The following CD300LB variants were observed in gnomAD, a reference collection of about 807,000 sequenced individuals.
The protein encoded by CD300LB is CD300 molecule like family member b, also known as CMRF35-like molecule 7.
CD300LB carries 18 observed loss-of-function variants against 20.8 expected under a neutral mutation model. The observed-to-expected ratio is 0.87, with a 90% confidence interval of 0.60 to 1.28. The LOEUF (loss-of-function observed/expected upper bound fraction) is 1.28, where lower values mean the gene tolerates loss of function less well. CD300LB is among the 50% of genes most tolerant of loss of function. CD300LB has a pLI of 0.00. For synonymous variants in CD300LB, 91 were observed against 91.3 expected, an observed-to-expected ratio of 1.00 and a Z score of 0.02; for missense variants, 222 against 251.8, an observed-to-expected ratio of 0.88 and a Z score of 0.80.
chr17:74,521,908 G>A lies in CD300LB; in HGVS notation c.*830C>T, dbSNP rs558629972. 2.0e-5 allele frequency: 20 copies of A among 985,460 alleles called. No individual in the cohort carries two copies. Among genetic ancestry groups the A allele is most frequent in the Middle Eastern group, 5.2e-4 (1 of 1,914 alleles). The allele number at this position is 985,460 out of a possible 1,614,324, so 61.0% of individuals were successfully genotyped here. A position where few individuals can be genotyped will look rare whatever the true frequency, so the allele number is the denominator to read the frequency against. ...CATGATTTCAACATCACCGAAAAGGGAGGGTGCCATTTCCTGCGATGGTTT... is the reference window on the plus strand; with the variant it reads ...CATGATTTCAACATCACCGAAAAGGAAGGGTGCCATTTCCTGCGATGGTTT... On this transcript the variant is annotated 3_prime_UTR_variant, in exon 4 of 4. Transcript: ENST00000392621.
At chr17:74,523,406 G>T in intron 3 of CD300LB, 173 bp downstream of exon 3, 1 of 623,868 alleles carries the variant, frequency 1.6e-6, no homozygotes, top group Non-Finnish European at 2.9e-6. Context: ...AGCTAGAGTG[G>T]GGAGATGGTG....
chr17:74,523,631 C>G lies in CD300LB; in HGVS notation c.391G>C (p.Ala131Pro). 1 of 1,613,444 alleles carries G rather than the reference C, an allele frequency of 6.2e-7. No homozygotes were observed. Among genetic ancestry groups the G allele is most frequent in the Non-Finnish European group, 8.5e-7 (1 of 1,179,362 alleles). ...ATATTGCTGTTGGTAGGTGAGCTTG[C>G]TGTTGTGGAAGCCGCTCCCTCTAGA... is the stretch of plus-strand genomic sequence containing the variant. ...VDPEGAASTT[A>P]SSPTNSNMAV... Residue 131 changes from alanine (A) to proline (P), a missense_variant, in exon 3 of 4, where the codon GCA (alanine) becomes CCA (proline). By Grantham distance (27) the Ala-to-Pro change is conservative (BLOSUM62 -1). Transcript: ENST00000392621.
At chr17:74,525,159 G>A (rs1907992407) in intron 2 of CD300LB, among the ~76,000 whole-genome samples, 1 of 152,114 alleles carries the variant, frequency 6.6e-6, no homozygotes, top group Non-Finnish European at 1.5e-5. Flanking sequence ...AGAGTCCAAG[G>A]CATGGAGGAG....
At position 74,522,494 on chromosome 17, in the gene CD300LB, T is replaced by C; in HGVS notation, c.*244A>G. ...TCGTCCAGTGCTTGAGCTCCATCTC[T>C]ACAGCTCCTGACCAAGAGAACAGGT... On this transcript the variant is annotated 3_prime_UTR_variant, in exon 4 of 4. Transcript: ENST00000392621. The C allele has an allele frequency of 7.8e-7, 1 of 1,279,360 alleles. No individual in the cohort carries two copies. The highest frequency in any genetic ancestry group is 1.0e-6 in the Non-Finnish European group (1 of 1,004,598). The allele number at this position is 1,279,360 out of a possible 1,614,324, so 79.3% of individuals were successfully genotyped here.
Position 74,522,507 on chromosome 17 carries a change from C to T in CD300LB, c.*231G>A. The T allele has an allele frequency of 7.6e-7, 1 of 1,308,244 alleles. No homozygotes were observed. 81.0% of individuals were successfully genotyped at this position (1,308,244 alleles called of 1,614,324 possible). Reference sequence around the variant, plus strand: ...GAGCTCCATCTCTACAGCTCCTGACCAAGAGAACAGGTGCTGGCACCCCAG... The same window carrying T: ...GAGCTCCATCTCTACAGCTCCTGACTAAGAGAACAGGTGCTGGCACCCCAG... On this transcript the variant is annotated 3_prime_UTR_variant, in exon 4 of 4. Transcript: ENST00000392621.
intron 2 of CD300LB, among the ~76,000 whole-genome samples, chr17:74,524,951 C>G (rs1353261080): frequency 3.9e-5 from 6 of 152,182 alleles, no homozygotes; most frequent in South Asian, 2.1e-4. Flanking sequence ...TGTCCATGTG[C>G]CTCTTTGGTC....
chr17:74,522,289 C>A lies in CD300LB; in HGVS notation c.*449G>T. The A allele has an allele frequency of 6.1e-6, 6 of 987,584 alleles. No homozygotes were observed. The highest frequency in any genetic ancestry group is 7.2e-6 in the Non-Finnish European group (6 of 831,304). 61.2% of individuals were successfully genotyped at this position (987,584 alleles called of 1,614,324 possible). On this transcript the variant is annotated 3_prime_UTR_variant, in exon 4 of 4. Transcript: ENST00000392621. ...TCCTATGAACATAAGTCATTAAAAC[C>A]CAACTTTGCTAGAAAAAAAAAAATT...
Position 74,522,887 on chromosome 17 carries a change from G to T in CD300LB, c.457C>A (p.Leu153Ile), listed in dbSNP as rs746943526. The T allele has an allele frequency of 6.2e-7, 1 of 1,613,732 alleles. No individual in the cohort carries two copies. The highest frequency in any genetic ancestry group is 8.5e-7 in the Non-Finnish European group (1 of 1,179,988). Residue 153 changes from leucine (L) to isoleucine (I), a missense_variant, in exon 4 of 4, where the codon CTC becomes ATC. By Grantham distance (5) the Leu-to-Ile change is conservative. Coordinates refer to ENST00000392621, the MANE Select transcript of CD300LB (RefSeq NM_174892.4). ...ATGGGCACCTTCACAAATACCAGGA[G>T]CATGTAGTGGTTCCTGGGGAAGGGG... The part of the protein sequence containing the change: ...IGSHKRNHYM[L>I]LVFVKVPILL...
intron 2 of CD300LB, among the ~76,000 whole-genome samples, chr17:74,525,396 T>TGC (rs1907998288): frequency 6.6e-6 from 1 of 151,982 alleles, no homozygotes. Context: ...GACTCAATAC[T>TGC]AGGACCCCCT....
At chr17:74,527,851 G>A (rs1455136761) in intron 1 of CD300LB, among the ~76,000 whole-genome samples, 2 of 152,146 alleles carry the variant, frequency 1.3e-5, no homozygotes, top group Admixed American at 6.5e-5. Context: ...GTTAGGAACC[G>A]GACCTTACAG....
chr17:74,523,433 G>A, intron 3 of CD300LB, 146 bp downstream of exon 3: 2 of 672,960 alleles, frequency 3.0e-6, no homozygotes. Flanking sequence ...AGTGATGGGG[G>A]CAGGAGAGAG....
At position 74,523,368 on chromosome 17, in the gene CD300LB, G is replaced by A. The variant is rs1354621539; in HGVS notation, c.443+211C>T. ...CTGGGAGAATGATGCTCACTGAGAAGAGTTCTGCAGAGCGGTTTTCTGGTG... is the reference window on the plus strand; with the variant it reads ...CTGGGAGAATGATGCTCACTGAGAAAAGTTCTGCAGAGCGGTTTTCTGGTG... On this transcript the variant is annotated intron_variant, in intron 3 of 3. Transcript: ENST00000392621. 11 of 586,684 alleles carry A rather than the reference G, an allele frequency of 1.9e-5. No individual in the cohort carries two copies. In the East Asian group the frequency reaches 3.1e-4, roughly 16 times the overall value. The allele number at this position is 586,684 out of a possible 1,614,324, so 36.3% of individuals were successfully genotyped here. A position where few individuals can be genotyped will look rare whatever the true frequency, so the allele number is the denominator to read the frequency against.
Position 74,521,267 on chromosome 17 carries a change from C to T in CD300LB, c.*1471G>A, listed in dbSNP as rs1442475805. The T allele has an allele frequency of 7.9e-6, 6 of 760,596 alleles. No homozygotes were observed. The highest frequency in any genetic ancestry group is 9.6e-6 in the Non-Finnish European group (6 of 624,882). 47.1% of individuals were successfully genotyped at this position (760,596 alleles called of 1,614,324 possible). A position where few individuals can be genotyped will look rare whatever the true frequency, so the allele number is the denominator to read the frequency against. On this transcript the variant is annotated 3_prime_UTR_variant, in exon 4 of 4. Coordinates refer to ENST00000392621, the MANE Select transcript of CD300LB (RefSeq NM_174892.4). ...TGACAAGCGCCCATGTCCCCTCGCCCCTGAGTCCAGCTGGTGAAGCACCAT... is the reference window on the plus strand; with the variant it reads ...TGACAAGCGCCCATGTCCCCTCGCCTCTGAGTCCAGCTGGTGAAGCACCAT...
At chr17:74,523,496 G>T in intron 3 of CD300LB, 83 bp downstream of exon 3, 2 of 941,024 alleles carry the variant, frequency 2.1e-6, no homozygotes, top group Non-Finnish European at 3.5e-6. Context: ...GCTGGCATTT[G>T]GTGACAGGCA....
intron 1 of CD300LB, among the ~76,000 whole-genome samples, chr17:74,526,864 C>T (rs1437801245): frequency 6.6e-6 from 1 of 152,208 alleles, no homozygotes; most frequent in Non-Finnish European, 1.5e-5. Flanking sequence ...GTGAGCCAGC[C>T]CCAGCACACT....
At chr17:74,530,165 C>A (rs1321510943) in intron 1 of CD300LB, among the ~76,000 whole-genome samples, 1 of 152,222 alleles carries the variant, frequency 6.6e-6, no homozygotes, top group African/African-American at 2.4e-5. Flanking sequence ...CCCAGCCATG[C>A]TCTTTCCTGT....
Position 74,522,073 on chromosome 17 carries a change from G to C in CD300LB, c.*665C>G. On this transcript the variant is annotated 3_prime_UTR_variant, in exon 4 of 4. Coordinates refer to ENST00000392621, the MANE Select transcript of CD300LB (RefSeq NM_174892.4). The stretch of plus-strand genomic sequence containing the variant: ...GGGGAATAGGCAGGGAGCTTGGGGA[G>C]CTAGGAGGAGGAAGAGGTGGGAGGG... The C allele has an allele frequency of 1.0e-6, 1 of 985,394 alleles. No homozygotes were observed. Among genetic ancestry groups the C allele is most frequent in the Non-Finnish European group, 1.2e-6 (1 of 829,946 alleles). 61.0% of individuals were successfully genotyped at this position (985,394 alleles called of 1,614,324 possible). A position where few individuals can be genotyped will look rare whatever the true frequency, so the allele number is the denominator to read the frequency against.
At chr17:74,523,323 A>C in intron 3 of CD300LB, 2 of 563,370 alleles carry the variant, frequency 3.6e-6, no homozygotes, top group South Asian at 4.3e-5. Flanking sequence ...TAGGCCACCA[A>C]TGCAAGGTTG....
At position 74,522,657 on chromosome 17, in the gene CD300LB, G is replaced by A. The variant is rs1907917164; in HGVS notation, c.*81C>T. Reference sequence around the variant, plus strand: ...CCCTATCTCAGTCACTGCATCCCGAGGACTCGTAGATGTTCCTTCCACAGC... The same window carrying A: ...CCCTATCTCAGTCACTGCATCCCGAAGACTCGTAGATGTTCCTTCCACAGC... On this transcript the variant is annotated 3_prime_UTR_variant, in exon 4 of 4. Coordinates refer to ENST00000392621, the MANE Select transcript of CD300LB (RefSeq NM_174892.4). The A allele has an allele frequency of 1.3e-6, 2 of 1,577,224 alleles. No homozygotes were observed. The highest frequency in any genetic ancestry group is 2.2e-5 in the East Asian group (1 of 44,516).
Sources: allele counts gnomAD v4.1 joint callset (sites outside exome capture counted in the v4.1 genomes callset), GRCh38; gene constraint gnomAD v4.1.1; transcripts MANE v1.5; gene names NCBI Gene and HGNC (gene_info 2026-07-23, HGNC 2026-07-21).